Variants in EIF2AK4 observed in about 807,000 individuals in gnomAD.
EIF2AK4 encodes the protein eIF-2-alpha kinase GCN2.
A neutral mutation model predicts 211.1 loss-of-function variants in EIF2AK4; 139 were observed. That is an observed-to-expected ratio of 0.66 (90% confidence interval 0.57 to 0.76). EIF2AK4 has a LOEUF of 0.76. Among genes scored for constraint, EIF2AK4 ranks in the 30% least tolerant of loss-of-function variants. EIF2AK4 has a pLI of 0.00. For missense variants in EIF2AK4, 1,664 were observed against 2,043.8 expected, an observed-to-expected ratio of 0.81 and a Z score of 3.58; for synonymous variants, 710 against 751.3, an observed-to-expected ratio of 0.94 and a Z score of 0.90.
chr15:40,002,637 C>G, intron 21 of EIF2AK4, 76 bp from the exon 22 acceptor site: 1 of 1,506,498 alleles, frequency 6.6e-7, no homozygotes, highest in Non-Finnish European at 9.2e-7. Context: ...GTGCCTACTG[C>G]AAGCCACAGA....
At chr15:40,017,268 G>A in intron 29 of EIF2AK4, 26 bp downstream of exon 29, 2 of 1,575,222 alleles carry the variant, frequency 1.3e-6, no homozygotes, top group South Asian at 2.3e-5. Context: ...TTATTTATTT[G>A]CTCTGACTTA....
chr15:39,956,742 G>C (rs1032018125), intron 6 of EIF2AK4, among the ~76,000 whole-genome samples: 1 of 152,184 alleles, frequency 6.6e-6, no homozygotes, highest in Non-Finnish European at 1.5e-5. Context: ...ATAGTGTAGG[G>C]ACTTCAACCT....
chr15:39,971,291 A>G (rs1595401221), intron 9 of EIF2AK4, among the ~76,000 whole-genome samples: 1 of 152,236 alleles, frequency 6.6e-6, no homozygotes, highest in East Asian at 1.9e-4. Flanking sequence ...TGGGAGGCTG[A>G]GGCAGGCAGA....
chr15:39,963,221 T>A (rs983257690), intron 7 of EIF2AK4, among the ~76,000 whole-genome samples: 2 of 152,212 alleles, frequency 1.3e-5, no homozygotes, highest in Non-Finnish European at 2.9e-5. Context: ...AAGACATTGG[T>A]AGTGGTGGTT....
chr15:39,997,092 C>G (rs1464902457), intron 19 of EIF2AK4, 27 bp downstream of exon 19: 28 of 1,459,920 alleles, frequency 1.9e-5, no homozygotes, highest in Non-Finnish European at 2.7e-5. Flanking sequence ...TTAGTGCCTA[C>G]ATTTTCAGTA....
intron 9 of EIF2AK4, among the ~76,000 whole-genome samples, chr15:39,971,334 G>A (rs1000558982): frequency 6.6e-6 from 1 of 152,060 alleles, no homozygotes; most frequent in Non-Finnish European, 1.5e-5. Flanking sequence ...GACCAGCCTG[G>A]CCAACATGGC....
Position 40,010,644 on chromosome 15 carries a change from G to C in EIF2AK4, c.3694-637G>C, listed in dbSNP as rs545692026. 2.0e-4 allele frequency among the ~76,000 whole-genome samples: 31 copies of C among 152,048 alleles called. No homozygotes were observed. In the South Asian group the frequency reaches 5.5e-3, roughly 27 times the overall value. ...AACAGCACCAGAAGTCTATGGTTAA[G>C]ACAGAGTAGTGGAAGTCCTCACATA... On this transcript the variant is annotated intron_variant, in intron 26 of 38. Coordinates refer to ENST00000263791, the MANE Select transcript of EIF2AK4 (RefSeq NM_001013703.4).
intron 1 of EIF2AK4, among the ~76,000 whole-genome samples, chr15:39,936,488 C>G (rs1047432996): frequency 1.3e-5 from 2 of 152,198 alleles, no homozygotes; most frequent in African/African-American, 4.8e-5. Context: ...TCTCGGCTCA[C>G]TGCAACCTCC....
In EIF2AK4 at chr15:40,002,782, AGACAT is replaced by A. The variant is rs1193834525; in HGVS notation, c.3231_3235del (p.His1078SerfsTer18). 3 of 1,614,112 alleles carry A rather than the reference AGACAT, an allele frequency of 1.9e-6. No individual in the cohort carries two copies. In the African/African-American group the frequency reaches 4.0e-5, roughly 22 times the overall value. On this transcript the variant is annotated frameshift_variant and splice_region_variant, in exon 22 of 39. Coordinates refer to ENST00000263791, the MANE Select transcript of EIF2AK4 (RefSeq NM_001013703.4). LOFTEE classifies it high-confidence loss of function. ...TGAAACCATCATCCGCATCTTTAAA[AGACAT>A]GGTATGTACGCCCTTTTTAAAAATG...
At chr15:40,025,275 G>A (rs185610215) in intron 32 of EIF2AK4, among the ~76,000 whole-genome samples, 242 of 152,326 alleles carry the variant, frequency 1.6e-3, no homozygotes, top group Admixed American at 4.1e-3. Flanking sequence ...GCCAACCAAG[G>A]AATCTGGTTT....
At position 39,955,784 on chromosome 15, in the gene EIF2AK4, T is replaced by A. The variant is rs759759585; in HGVS notation, c.743+16T>A. ...GAAGGTCTAGGTAAGTCCCTGGGAT[T>A]TCTGATCTGGGAGAATGACAGATGT... is the stretch of plus-strand genomic sequence containing the variant. On this transcript the variant is annotated intron_variant, in intron 6 of 38. Coordinates refer to ENST00000263791, the MANE Select transcript of EIF2AK4 (RefSeq NM_001013703.4). The A allele has an allele frequency of 3.4e-5, 53 of 1,572,710 alleles. No individual in the cohort carries two copies. The highest frequency in any genetic ancestry group is 4.5e-5 in the Non-Finnish European group (52 of 1,163,220).
At chr15:40,020,778 C>A in intron 30 of EIF2AK4, 121 bp from the exon 31 acceptor site, 3 of 725,500 alleles carry the variant, frequency 4.1e-6, no homozygotes, top group Non-Finnish European at 6.0e-6. Context: ...CGCTGTGTTT[C>A]TATGCAGGAT....
At chr15:39,944,366 T>A (rs761244570) in intron 3 of EIF2AK4, among the ~76,000 whole-genome samples, 4 of 151,994 alleles carry the variant, frequency 2.6e-5, no homozygotes. Context: ...AGTATAACGC[T>A]TCTTTGCCCC....
intron 18 of EIF2AK4, among the ~76,000 whole-genome samples, chr15:39,994,694 G>A (rs1438562275): frequency 6.6e-6 from 1 of 152,158 alleles, no homozygotes; most frequent in African/African-American, 2.4e-5. Flanking sequence ...GGAGATTCAA[G>A]CCTGGGTTTT....
intron 30 of EIF2AK4, chr15:40,020,455 CT>C (rs2140945102): frequency 6.6e-6 from 1 of 150,546 alleles, no homozygotes; most frequent in South Asian, 2.1e-4. Context: ...CGAGACCAGC[CT>C]GGCCAACAAG....
At chr15:39,938,225 C>G (rs2034095562) in intron 1 of EIF2AK4, among the ~76,000 whole-genome samples, 1 of 152,204 alleles carries the variant, frequency 6.6e-6, no homozygotes, top group Admixed American at 6.5e-5. Context: ...GTGCCTGACA[C>G]AGAGTCAGTG....
chr15:40,015,161 C>T (rs1460192765), intron 27 of EIF2AK4, among the ~76,000 whole-genome samples: 13 of 152,186 alleles, frequency 8.5e-5, no homozygotes, highest in Admixed American at 6.5e-4. Context: ...TCTGAGCCCT[C>T]CAAACTGTTC....
chr15:40,030,052 G>C (rs2035518432), intron 34 of EIF2AK4, among the ~76,000 whole-genome samples: 1 of 152,172 alleles, frequency 6.6e-6, no homozygotes, highest in African/African-American at 2.4e-5. Flanking sequence ...ATGCAGGTTT[G>C]GTGATATTCA....
At chr15:39,950,481 C>G (rs2034291548) in intron 4 of EIF2AK4, among the ~76,000 whole-genome samples, 1 of 151,638 alleles carries the variant, frequency 6.6e-6, no homozygotes, top group African/African-American at 2.4e-5. Flanking sequence ...ATCCCAGCCA[C>G]TCAGGAGTCT....
Sources: allele counts gnomAD v4.1 joint callset (sites outside exome capture counted in the v4.1 genomes callset), GRCh38; gene constraint gnomAD v4.1.1; transcripts MANE v1.5; gene names NCBI Gene and HGNC (gene_info 2026-07-23, HGNC 2026-07-21).